PXDNL: variants seen among roughly 807,000 people sequenced by gnomAD.
PXDNL encodes probable oxidoreductase PXDNL.
In PXDNL, 145 loss-of-function variants were observed where a neutral mutation model predicts 150.8. The observed-to-expected ratio is 0.96, with a 90% CI of 0.84 to 1.10. The LOEUF (loss-of-function observed/expected upper bound fraction) is 1.10. PXDNL is among the 50% of genes least tolerant of loss of function. PXDNL has a pLI of 0.00. For missense variants in PXDNL, 2,087 were observed against 1,873.9 expected, an observed-to-expected ratio of 1.11 and a Z score of -2.10; for synonymous variants, 757 against 725.7, an observed-to-expected ratio of 1.04 and a Z score of -0.69.
At chr8:51,799,823 G>C (rs941297328) in intron 1 of PXDNL, among the ~76,000 whole-genome samples, 4 of 152,156 alleles carry the variant, frequency 2.6e-5, no homozygotes, top group Non-Finnish European at 5.9e-5. Context: ...CAACTAGAGA[G>C]ATGGAGATCT....
intron 6 of PXDNL, 92 bp from the exon 7 acceptor site, chr8:51,475,233 T>C (rs1426644562): frequency 1.6e-6 from 2 of 1,260,174 alleles, no homozygotes; most frequent in Non-Finnish European, 2.2e-6. Flanking sequence ...TTCCCCTGAT[T>C]TACCTTGTCT....
At chr8:51,589,318 GA>G (rs1240622215) in intron 3 of PXDNL, among the ~76,000 whole-genome samples, 12 of 152,212 alleles carry the variant, frequency 7.9e-5, no homozygotes, top group Admixed American at 6.5e-4. Flanking sequence ...AAACAACGCA[GA>G]AGTAGCTTTG....
chr8:51,714,490 C>T (rs1415930917), intron 1 of PXDNL, among the ~76,000 whole-genome samples: 1 of 151,654 alleles, frequency 6.6e-6, no homozygotes, highest in African/African-American at 2.4e-5. Context: ...TTTAATGGCT[C>T]AATGGGAAAA....
At chr8:51,577,311 G>A (rs369406526) in intron 3 of PXDNL, among the ~76,000 whole-genome samples, 1 of 151,512 alleles carries the variant, frequency 6.6e-6, no homozygotes, top group African/African-American at 2.4e-5. Context: ...ATAGGGAAGT[G>A]TATTTCAGGA....
Position 51,319,826 on chromosome 8 carries a change from C to T in PXDNL, c.*65G>A. Reference sequence around the variant, plus strand: ...ACAATGTGACTACAAGTTAAAAGTTCTGAAGTCCTAAATGTCTCTTCCTGA... The same window carrying T: ...ACAATGTGACTACAAGTTAAAAGTTTTGAAGTCCTAAATGTCTCTTCCTGA... On this transcript the variant is annotated 3_prime_UTR_variant, in exon 23 of 23. Transcript: ENST00000356297. 2 of 1,372,276 alleles carry T rather than the reference C, an allele frequency of 1.5e-6. No individual in the cohort carries two copies. Among genetic ancestry groups the T allele is most frequent in the Admixed American group, 2.8e-5 (1 of 35,230 alleles). The allele number at this position is 1,372,276 out of a possible 1,614,324, so 85.0% of individuals were successfully genotyped here. A position where few individuals can be genotyped will look rare whatever the true frequency, so the allele number is the denominator to read the frequency against.
At chr8:51,537,928 T>G (rs545258518) in intron 4 of PXDNL, among the ~76,000 whole-genome samples, 1 of 152,288 alleles carries the variant, frequency 6.6e-6, no homozygotes, top group Admixed American at 6.5e-5. Flanking sequence ...CCAGCTAGCA[T>G]GACATGCAGC....
At chr8:51,803,126 G>A (rs907726515) in intron 1 of PXDNL, among the ~76,000 whole-genome samples, 25 of 152,130 alleles carry the variant, frequency 1.6e-4, no homozygotes, top group Non-Finnish European at 2.9e-4. Flanking sequence ...CTGCAGCAAC[G>A]AGGCTTCCAG....
chr8:51,500,851 T>C (rs1169026746), intron 4 of PXDNL, among the ~76,000 whole-genome samples: 1 of 152,226 alleles, frequency 6.6e-6, no homozygotes, highest in African/African-American at 2.4e-5. Flanking sequence ...AACCCACGTT[T>C]CCATAAAATG....
At chr8:51,742,232 T>C (rs1186076578) in intron 1 of PXDNL, among the ~76,000 whole-genome samples, 1 of 152,104 alleles carries the variant, frequency 6.6e-6, no homozygotes, top group East Asian at 1.9e-4. Flanking sequence ...TACCAGGAGC[T>C]AGGAAATATG....
In PXDNL at chr8:51,423,592, A is replaced by T; in HGVS notation, c.1778T>A (p.Met593Lys). The T allele has an allele frequency of 6.2e-7, 1 of 1,613,798 alleles. No individual in the cohort carries two copies. The highest frequency in any genetic ancestry group is 8.5e-7 in the Non-Finnish European group (1 of 1,179,778). ...ACACCTACCCGTGACTGTAAGAAAC[A>T]TGTTGGTCACAGCAAGGCCAAAAGA... ...RNSFGLAVTN[M>K]FLTVTAIQGR... Residue 593 changes from methionine (M) to lysine (K), a missense_variant, in exon 14 of 23, where the codon ATG becomes AAG. By Grantham distance (95) the Met-to-Lys change is moderately conservative. Coordinates refer to ENST00000356297, the MANE Select transcript of PXDNL (RefSeq NM_144651.5).
chr8:51,392,649 TG>T (rs1243236163), intron 17 of PXDNL, among the ~76,000 whole-genome samples: 5 of 152,208 alleles, frequency 3.3e-5, no homozygotes, highest in Admixed American at 2.0e-4. Context: ...GCTGAGACAA[TG>T]GGGTTTTCTA....
chr8:51,528,558 G>C lies in PXDNL; in HGVS notation c.380+28282C>G, dbSNP rs534902070. On this transcript the variant is annotated intron_variant, in intron 4 of 22. Transcript: ENST00000356297. ...TTGTGTTACATTCCATGACAAAAGG[G>C]ACTTTGCAGACGTGATTAAGATTAA... 2.0e-5 allele frequency among the ~76,000 whole-genome samples: 3 copies of C among 152,270 alleles called. No individual in the cohort carries two copies. In the East Asian group the frequency reaches 5.8e-4, roughly 29 times the overall value.
At chr8:51,639,585 ATAAAC>A (rs1251175161) in intron 2 of PXDNL, among the ~76,000 whole-genome samples, 1 of 152,252 alleles carries the variant, frequency 6.6e-6, no homozygotes, top group African/African-American at 2.4e-5. Flanking sequence ...CTCTATGCAA[ATAAAC>A]TAGAAAATCT....
intron 6 of PXDNL, among the ~76,000 whole-genome samples, chr8:51,482,761 T>C (rs1810632322): frequency 6.6e-6 from 1 of 152,202 alleles, no homozygotes; most frequent in African/African-American, 2.4e-5. Context: ...TTGCTCTCTC[T>C]TCATCTTCTG....
intron 19 of PXDNL, among the ~76,000 whole-genome samples, chr8:51,360,426 A>C (rs2915485): frequency 6.6e-6 from 1 of 152,040 alleles, no homozygotes; most frequent in East Asian, 1.9e-4. Context: ...CATGTATCAT[A>C]CGTGCACATA....
chr8:51,637,303 T>C (rs1814626597), intron 2 of PXDNL, among the ~76,000 whole-genome samples: 1 of 152,054 alleles, frequency 6.6e-6, no homozygotes, highest in Non-Finnish European at 1.5e-5. Context: ...CCTCTCCCCC[T>C]ACAAATGAAC....
intron 8 of PXDNL, among the ~76,000 whole-genome samples, chr8:51,471,295 C>T (rs1041841639): frequency 6.6e-6 from 1 of 152,164 alleles, no homozygotes; most frequent in African/African-American, 2.4e-5. Flanking sequence ...TACCATCTCA[C>T]GCCAGTTAGA....
intron 3 of PXDNL, among the ~76,000 whole-genome samples, chr8:51,565,433 G>C (rs555106855): frequency 1.6e-3 from 244 of 151,900 alleles, no homozygotes; most frequent in African/African-American, 5.2e-3. Context: ...TGTCATTGCT[G>C]TTGTTCAACA....
intron 1 of PXDNL, among the ~76,000 whole-genome samples, chr8:51,725,225 C>CAAT (rs1454007184): frequency 6.6e-6 from 1 of 152,154 alleles, no homozygotes; most frequent in Non-Finnish European, 1.5e-5. Context: ...TGTTGACAAT[C>CAAT]AATAGCCCCA....
Sources: allele counts gnomAD v4.1 joint callset (sites outside exome capture counted in the v4.1 genomes callset), GRCh38; gene constraint gnomAD v4.1.1; transcripts MANE v1.5; gene names NCBI Gene and HGNC (gene_info 2026-07-23, HGNC 2026-07-21).